Variants in RGPD4 observed in about 807,000 individuals in gnomAD.
RGPD4 encodes RANBP2 like and GRIP domain containing 4.
RGPD4 carries 84 observed loss-of-function variants against 141.1 expected under a neutral mutation model. That is an observed-to-expected ratio of 0.60 (90% CI 0.50 to 0.71). RGPD4 has a LOEUF of 0.71. RGPD4 is among the 30% of genes least tolerant of loss of function. The pLI is 0.00. For synonymous variants in RGPD4, 298 were observed against 566.8 expected (o/e 0.53, Z 6.74); for missense variants, 918 against 1,622.4 (o/e 0.57, Z 7.46).
At chr2:107,828,813 G>A (rs1573455022) in intron 1 of RGPD4, among the ~76,000 whole-genome samples, 1 of 20,662 alleles carries the variant, frequency 4.8e-5, no homozygotes, top group African/African-American at 2.8e-4. Context: ...CTGTTGAGGC[G>A]GCGGCCTCGA....
intron 22 of RGPD4, among the ~76,000 whole-genome samples, chr2:107,885,449 C>G (rs1473588102): frequency 6.6e-6 from 1 of 152,080 alleles, no homozygotes; most frequent in Non-Finnish European, 1.5e-5. Context: ...TTGCTAATGT[C>G]CAGGTGGCTC....
rs539090292 is a variant in RGPD4, at chr2:107,827,108, G to T, written c.72+23G>T. ...AAGGTGAGTGGATCTCGAAGAGACC[G>T]ACGGCCTCGACCTGGCCGGGCGGCG... is the stretch of plus-strand genomic sequence containing the variant. On this transcript the variant is annotated intron_variant, in intron 1 of 22. Coordinates refer to ENST00000408999, the MANE Select transcript of RGPD4 (RefSeq NM_182588.3). 29 of 1,577,824 alleles carry T rather than the reference G, an allele frequency of 1.8e-5. No individual in the cohort carries two copies. The Admixed American group carries it at 3.7e-4, about 20-fold the overall frequency.
intron 1 of RGPD4, among the ~76,000 whole-genome samples, chr2:107,830,254 G>T: frequency 6.6e-6 from 1 of 150,984 alleles, no homozygotes; most frequent in Admixed American, 6.6e-5. Flanking sequence ...GATGTTTTAA[G>T]GGTATTTTTC....
chr2:107,827,125 CGGGCGGCGG>C, intron 1 of RGPD4, 40 bp downstream of exon 1: 5 of 1,558,130 alleles, frequency 3.2e-6, no homozygotes, highest in Non-Finnish European at 4.3e-6. Context: ...TCGACCTGGC[CGGGCGGCGG>C]AGGCCTCGAC....
In RGPD4 at chr2:107,872,433, CAT is replaced by C; in HGVS notation, c.4430_4431del (p.His1477ArgfsTer34). 2 of 1,568,892 alleles carry C rather than the reference CAT, an allele frequency of 1.3e-6. No homozygotes were observed. The highest frequency in any genetic ancestry group is 8.6e-7 in the Non-Finnish European group (1 of 1,161,452). On this transcript the variant is annotated frameshift_variant, in exon 20 of 23. Coordinates refer to ENST00000408999, the MANE Select transcript of RGPD4 (RefSeq NM_182588.3). LOFTEE classifies it high-confidence loss of function. Reference protein sequence around the residue: ...AQEKDSLITPHVSRSSTPRES... With the variant: ...AQEKDSLITPXVSRSSTPRES... ...GGAAAAAGATTCTTTGATAACACCT[CAT>C]GTTTCTCGGTCAAGCACTCCCAGAG... is the stretch of plus-strand genomic sequence containing the variant.
At chr2:107,831,607 G>A (rs1489014529) in intron 1 of RGPD4, among the ~76,000 whole-genome samples, 12 of 98,002 alleles carry the variant, frequency 1.2e-4, no homozygotes, top group East Asian at 8.0e-4. Context: ...ACGGAGTCTC[G>A]CTCTATCGTC....
At chr2:107,887,504 G>T (rs1272352574) in intron 22 of RGPD4, among the ~76,000 whole-genome samples, 1 of 151,018 alleles carries the variant, frequency 6.6e-6, no homozygotes, top group Admixed American at 6.6e-5. Flanking sequence ...ATTAGCTTAG[G>T]GGGTAAAGTA....
At chr2:107,882,035 G>A (rs71419305) in intron 21 of RGPD4, among the ~76,000 whole-genome samples, 70 of 151,918 alleles carry the variant, frequency 4.6e-4, no homozygotes, top group Middle Eastern at 3.4e-3. Context: ...AGTTTCTATC[G>A]AAAGTAGAAG....
At position 107,882,793 on chromosome 2, in the gene RGPD4, G is replaced by C. The variant is rs1675404554; in HGVS notation, c.5186G>C (p.Arg1729Thr). ...ATTTTCTTGAAGCCAGGTAGTGAAA[G>C]AGAGAGACTTCTTCCTGTTATAAAT... ...QFIFLKPGSE[R>T]ERLLPVINTM... Residue 1729 changes from arginine (R) to threonine (T), a missense_variant, in exon 22 of 23, where the codon AGA (arginine) becomes ACA (threonine). Physicochemically the swap from Arg to Thr is moderately conservative, Grantham distance 71 (BLOSUM62 -1). Coordinates refer to ENST00000408999, the MANE Select transcript of RGPD4 (RefSeq NM_182588.3). The C allele has an allele frequency of 6.2e-7, 1 of 1,611,240 alleles. No homozygotes were observed. The highest frequency in any genetic ancestry group is 1.3e-5 in the African/African-American group (1 of 74,318).
Position 107,880,160 on chromosome 2 carries a change from C to T in RGPD4, c.5064+53C>T, listed in dbSNP as rs571557748. 4.9e-4 allele frequency: 797 copies of T among 1,611,020 alleles called. 3 individuals carry two copies. In the East Asian group the frequency reaches 9.5e-3, roughly 19 times the overall value. On this transcript the variant is annotated intron_variant, in intron 21 of 22. Coordinates refer to ENST00000408999, the MANE Select transcript of RGPD4 (RefSeq NM_182588.3). Reference sequence around the variant, plus strand: ...AAAACTGCCAATTTGGTTTTCTGGACCCTCCATACACATGTACCCAAGTTT... The same window carrying T: ...AAAACTGCCAATTTGGTTTTCTGGATCCTCCATACACATGTACCCAAGTTT...
Position 107,827,021 on chromosome 2 carries a change from G to C in RGPD4, c.8G>C (p.Cys3Ser), listed in dbSNP as rs1362162611. MS[C>S]SKAYGERYVA... is the part of the protein sequence containing the mutation. The stretch of plus-strand genomic sequence containing the variant: ...AGCCAGGTTGGTGGCGCGATGAGTT[G>C]CAGCAAGGCCTACGGGGAGCGGTAC... Residue 3 changes from cysteine (C) to serine (S), a missense_variant, in exon 1 of 23, where the codon TGC becomes TCC. Coordinates refer to ENST00000408999, the MANE Select transcript of RGPD4 (RefSeq NM_182588.3). 6.3e-7 allele frequency: 1 copy of C among 1,599,464 alleles called. No homozygotes were observed. The highest frequency in any genetic ancestry group is 8.5e-7 in the Non-Finnish European group (1 of 1,174,544).
At chr2:107,845,025 G>A (rs905632367) in intron 6 of RGPD4, among the ~76,000 whole-genome samples, 31 of 141,906 alleles carry the variant, frequency 2.2e-4, no homozygotes, top group African/African-American at 7.2e-4. Context: ...TAGTAGAGAC[G>A]GGGTTCAGGA....
rs112535892 is a variant in RGPD4 at position 107,887,101 on chromosome 2, T to A, written c.5267-3620T>A. The stretch of plus-strand genomic sequence containing the variant: ...CTACAAAAATTTTAAAATATGCCAG[T>A]TCTGGTGGCATGTGCCCATAGTCCT... On this transcript the variant is annotated intron_variant, in intron 22 of 22. Coordinates refer to ENST00000408999, the MANE Select transcript of RGPD4 (RefSeq NM_182588.3). 2.4e-4 allele frequency among the ~76,000 whole-genome samples: 35 copies of A among 148,626 alleles called. 1 individual carries two copies. Among genetic ancestry groups the A allele is most frequent in the African/African-American group, 7.5e-4 (30 of 40,188 alleles).
chr2:107,878,370 C>A (rs917439792), intron 20 of RGPD4, among the ~76,000 whole-genome samples: 7 of 146,084 alleles, frequency 4.8e-5, no homozygotes, highest in African/African-American at 7.4e-5. Flanking sequence ...GACATGCACA[C>A]TGTAACCCGG....
chr2:107,827,003 T>G lies in RGPD4; in HGVS notation c.-11T>G, dbSNP rs1210404960. The G allele has an allele frequency of 3.1e-6, 5 of 1,595,974 alleles. No individual in the cohort carries two copies. Among genetic ancestry groups the G allele is most frequent in the South Asian group, 1.1e-5 (1 of 87,666 alleles). ...GGTTTCACGCGTCTCGGGAGCCAGGTTGGTGGCGCGATGAGTTGCAGCAAG... is the reference window on the plus strand; with the variant it reads ...GGTTTCACGCGTCTCGGGAGCCAGGGTGGTGGCGCGATGAGTTGCAGCAAG... On this transcript the variant is annotated 5_prime_UTR_variant, in exon 1 of 23. Transcript: ENST00000408999.
chr2:107,827,038 GAGCGGTACGTCGCCTCCGTGC>G lies in RGPD4; in HGVS notation c.28_48del (p.Arg10_Gln16del). 1 of 1,599,858 alleles carries G rather than the reference GAGCGGTACGTCGCCTCCGTGC, an allele frequency of 6.3e-7. No individual in the cohort carries two copies. The highest frequency in any genetic ancestry group is 2.3e-5 in the East Asian group (1 of 44,416). ...GATGAGTTGCAGCAAGGCCTACGGG[GAGCGGTACGTCGCCTCCGTGC>G]AGGGCTCCGCCCCGTCGCCTCGAAA... On this transcript the variant is annotated inframe_deletion, in exon 1 of 23. Transcript: ENST00000408999.
At chr2:107,844,456 A>G (rs878995129) in intron 6 of RGPD4, among the ~76,000 whole-genome samples, 5 of 152,234 alleles carry the variant, frequency 3.3e-5, no homozygotes, top group Admixed American at 2.0e-4. Context: ...CAGAGATTGT[A>G]TGCCTGTAAA....
At chr2:107,827,133 G>C (rs575048478) in intron 1 of RGPD4, 48 bp downstream of exon 1, 7 of 581,672 alleles carry the variant, frequency 1.2e-5, no homozygotes, top group Non-Finnish European at 1.6e-5. Flanking sequence ...GCCGGGCGGC[G>C]GAGGCCTCGA....
chr2:107,829,937 C>T (rs1342741780), intron 1 of RGPD4, among the ~76,000 whole-genome samples: 4 of 151,966 alleles, frequency 2.6e-5, no homozygotes, highest in Admixed American at 6.5e-5. Context: ...CCTGGAGGAA[C>T]CCAGTGGGGA....
Sources: gnomAD v4.1 joint callset for allele counts (sites outside exome capture counted in the v4.1 genomes callset) on GRCh38, gnomAD v4.1.1 for gene constraint, MANE v1.5 for transcripts, NCBI Gene and HGNC (gene_info 2026-07-23, HGNC 2026-07-21) for gene names.